Variants in PLXNA4 observed in about 807,000 individuals in gnomAD.
The protein encoded by PLXNA4 is plexin A4.
In PLXNA4, 44 loss-of-function variants were observed where a neutral mutation model predicts 191.8. That is an observed-to-expected ratio of 0.23 (90% CI 0.18 to 0.29). The LOEUF (loss-of-function observed/expected upper bound fraction) is 0.29. Among genes scored for constraint, PLXNA4 ranks in the 10% least tolerant of loss-of-function variants. The probability of loss-of-function intolerance (pLI) is 1.00; values close to 1 mark genes in which losing one functional copy is unlikely to be tolerated. For missense variants in PLXNA4, 1,800 were observed against 2,488.8 expected, an observed-to-expected ratio of 0.72 and a Z score of 5.89; for synonymous variants, 1,082 against 1,009.5, an observed-to-expected ratio of 1.07 and a Z score of -1.36.
At chr7:132,396,674 T>C (rs889283908) in intron 3 of PLXNA4, among the ~76,000 whole-genome samples, 1 of 152,166 alleles carries the variant, frequency 6.6e-6, no homozygotes, top group Admixed American at 6.5e-5. Context: ...GTATTTTTGG[T>C]AGAGGACGGG....
intron 2 of PLXNA4, among the ~76,000 whole-genome samples, chr7:132,599,004 C>A (rs1189409096): frequency 6.6e-6 from 1 of 152,104 alleles, no homozygotes; most frequent in Admixed American, 6.5e-5. Context: ...GTAAATTTAG[C>A]CAAATCTGTT....
intron 30 of PLXNA4, among the ~76,000 whole-genome samples, chr7:132,137,445 C>T (rs1413973084): frequency 2.0e-5 from 3 of 152,220 alleles, no homozygotes; most frequent in Non-Finnish European, 2.9e-5. Flanking sequence ...TGTTTTGCTA[C>T]TGGTAATGAC....
In PLXNA4 at chr7:132,273,257, C is replaced by T. The variant is rs1194058006; in HGVS notation, c.1503+24834G>A. ...TAATGTTGGGGGAAAATATAATACA[C>T]TAAGCTCACACTGGAAACTCTTTGT... On this transcript the variant is annotated intron_variant, in intron 4 of 31. Transcript: ENST00000321063. Among the ~76,000 whole-genome samples, 5 of 152,002 alleles carry T rather than the reference C, an allele frequency of 3.3e-5. No homozygotes were observed. The East Asian group carries it at 9.6e-4, about 29-fold the overall frequency.
At chr7:132,566,638 G>A (rs1007265705) in intron 1 of PLXNA4, among the ~76,000 whole-genome samples, 1 of 152,112 alleles carries the variant, frequency 6.6e-6, no homozygotes, top group African/African-American at 2.4e-5. Flanking sequence ...GAAGGTGAAT[G>A]TCATTACTCA....
intron 1 of PLXNA4, among the ~76,000 whole-genome samples, chr7:132,529,034 G>A (rs1456847875): frequency 1.3e-5 from 2 of 152,360 alleles, no homozygotes; most frequent in East Asian, 3.9e-4. Flanking sequence ...GCAGACTCCA[G>A]CAATGAATAA....
At chr7:132,589,639 C>T (rs1802569233) in intron 2 of PLXNA4, among the ~76,000 whole-genome samples, 1 of 152,094 alleles carries the variant, frequency 6.6e-6, no homozygotes, top group South Asian at 2.1e-4. Context: ...ACTGTGAGCT[C>T]CTAGTTTATA....
At chr7:132,422,662 T>C (rs1794889347) in intron 3 of PLXNA4, among the ~76,000 whole-genome samples, 1 of 152,210 alleles carries the variant, frequency 6.6e-6, no homozygotes, top group African/African-American at 2.4e-5. Flanking sequence ...TAGTCAGATG[T>C]CCAGTTGCCA....
At chr7:132,582,587 C>T (rs1356877651) in intron 2 of PLXNA4, among the ~76,000 whole-genome samples, 2 of 152,204 alleles carry the variant, frequency 1.3e-5, no homozygotes, top group Non-Finnish European at 2.9e-5. Context: ...GAGCTACCCA[C>T]CAACAACCAG....
At chr7:132,579,460 T>C (rs1337339926), upstream of PLXNA4, among the ~76,000 whole-genome samples, 1 of 151,698 alleles carries the variant, frequency 6.6e-6, no homozygotes, top group African/African-American at 2.4e-5. Flanking sequence ...TGTGTGCGTG[T>C]GTGTGTGAAT....
Position 132,159,479 on chromosome 7 carries a change from C to G in PLXNA4, c.4654G>C (p.Asp1552His), listed in dbSNP as rs764146693. The change falls in exon 25 of 32, where the codon GAT becomes CAT. Residue 1552 changes from aspartate to histidine, a missense_variant. This residue lies in a region of PLXNA4 where 214 missense variants were observed against 298.2 expected (regional missense o/e 0.72). Transcript: ENST00000321063. ...GGGTGGACAGCCTACTCACCCAGATCCATATCTGCAGCTTTGGGCCGGTGG... is the reference window on the plus strand; with the variant it reads ...GGGTGGACAGCCTACTCACCCAGATGCATATCTGCAGCTTTGGGCCGGTGG... ...CSHRPKAADM[D>H]LEWRQGSGAR... 2 of 1,614,094 alleles carry G rather than the reference C, an allele frequency of 1.2e-6. No homozygotes were observed. The highest frequency in any genetic ancestry group is 4.5e-5 in the East Asian group (2 of 44,878).
At chr7:132,449,531 C>G (rs936513756) in intron 3 of PLXNA4, among the ~76,000 whole-genome samples, 1 of 152,196 alleles carries the variant, frequency 6.6e-6, no homozygotes, top group African/African-American at 2.4e-5. Context: ...ACGGACAGAT[C>G]CTGGTCACAT....
intron 2 of PLXNA4, among the ~76,000 whole-genome samples, chr7:132,586,248 G>A (rs1802502420): frequency 6.6e-6 from 1 of 152,172 alleles, no homozygotes; most frequent in Non-Finnish European, 1.5e-5. Flanking sequence ...TAAAGATAGA[G>A]GAGACATGGT....
In PLXNA4 at chr7:132,145,108, C is replaced by A. The variant is rs1465625777; in HGVS notation, c.5225+11G>T. ...GGCTCCCGATGTGCCCCCTGCCCTC[C>A]CTTCACTCACCAATTGCTCTTCCAG... On this transcript the variant is annotated intron_variant, in intron 29 of 31. Coordinates refer to ENST00000321063, the MANE Select transcript of PLXNA4 (RefSeq NM_020911.2). 1 of 1,614,014 alleles carries A rather than the reference C, an allele frequency of 6.2e-7. No individual in the cohort carries two copies. Among genetic ancestry groups the A allele is most frequent in the Middle Eastern group, 1.7e-4 (1 of 6,004 alleles).
chr7:132,635,170 T>TTATATATATATATATATATATA (rs3037811), intron 2 of PLXNA4, among the ~76,000 whole-genome samples: 31 of 131,802 alleles, frequency 2.4e-4, no homozygotes, highest in Middle Eastern at 4.0e-3. Flanking sequence ...AAACTCCCCT[T>TTATATATATATATATATATATA]TATATATATA....
In PLXNA4 at chr7:132,223,390, T is replaced by C. The variant is rs750466983; in HGVS notation, c.2097+137A>G. On this transcript the variant is annotated intron_variant, in intron 9 of 31. Coordinates refer to ENST00000321063, the MANE Select transcript of PLXNA4 (RefSeq NM_020911.2). ...TGGCATATTTCCTGTTTTTATAAAG[T>C]GGACCCTTAAGAGCCAGGAAGAAGG... is the stretch of plus-strand genomic sequence containing the variant. 122 of 695,766 alleles carry C rather than the reference T, an allele frequency of 1.8e-4. 1 individual carries two copies. The highest frequency in any genetic ancestry group is 2.9e-4 in the Non-Finnish European group (120 of 408,172). The allele number at this position is 695,766 out of a possible 1,614,324, so 43.1% of individuals were successfully genotyped here.
At chr7:132,335,913 C>T (rs943768791) in intron 3 of PLXNA4, among the ~76,000 whole-genome samples, 3 of 152,184 alleles carry the variant, frequency 2.0e-5, no homozygotes, top group African/African-American at 7.2e-5. Context: ...TCTCCCCCAA[C>T]CAGCATGTGC....
At chr7:132,464,173 G>A (rs1020399798) in intron 3 of PLXNA4, among the ~76,000 whole-genome samples, 1 of 152,206 alleles carries the variant, frequency 6.6e-6, no homozygotes, top group East Asian at 1.9e-4. Context: ...GTGCTGAGAT[G>A]CGAAAAATAA....
intron 30 of PLXNA4, among the ~76,000 whole-genome samples, chr7:132,135,564 A>G (rs1487712988): frequency 6.6e-6 from 1 of 152,154 alleles, no homozygotes; most frequent in Non-Finnish European, 1.5e-5. Context: ...ATCACTAGGG[A>G]AAAAAACAGA....
intron 9 of PLXNA4, among the ~76,000 whole-genome samples, chr7:132,214,017 C>T (rs565046799): frequency 6.6e-6 from 1 of 152,348 alleles, no homozygotes; most frequent in South Asian, 2.1e-4. Flanking sequence ...GAAAGAAGGG[C>T]TCAGTATCAG....
Sources: allele counts gnomAD v4.1 joint callset (sites outside exome capture counted in the v4.1 genomes callset), GRCh38; gene constraint gnomAD v4.1.1; regional missense constraint gnomAD v4.1.1; transcripts MANE v1.5; gene names NCBI Gene and HGNC (gene_info 2026-07-23, HGNC 2026-07-21).